Variants in EPSTI1 observed in about 807,000 individuals in gnomAD.
EPSTI1 encodes the protein epithelial-stromal interaction protein 1.
In EPSTI1, 66 loss-of-function variants were observed where a neutral mutation model predicts 49.9. The ratio of observed to expected loss-of-function variants is 1.32; its 90% confidence interval spans 1.08 to 1.62. The LOEUF (loss-of-function observed/expected upper bound fraction) is 1.62, where lower values mean the gene tolerates loss of function less well. Ranked by LOEUF, EPSTI1 falls within the 40% of genes most tolerant of loss-of-function variation. The pLI is 0.00. For synonymous variants in EPSTI1, 137 were observed against 130.7 expected, an observed-to-expected ratio of 1.05 and a Z score of -0.33; for missense variants, 394 against 365.5, an observed-to-expected ratio of 1.08 and a Z score of -0.64.
chr13:42,972,670 T>C (rs999989498), intron 1 of EPSTI1, among the ~76,000 whole-genome samples: 1 of 152,172 alleles, frequency 6.6e-6, no homozygotes, highest in African/African-American at 2.4e-5. Context: ...TGCAACCTAC[T>C]TAACTGGGCA....
At chr13:42,905,924 T>A (rs1036503970) in intron 8 of EPSTI1, among the ~76,000 whole-genome samples, 7 of 152,234 alleles carry the variant, frequency 4.6e-5, no homozygotes, top group African/African-American at 1.7e-4. Context: ...TATGCAAATC[T>A]CTACATTCAT....
chr13:42,987,409 T>C (rs2040104315), intron 1 of EPSTI1, among the ~76,000 whole-genome samples: 1 of 152,060 alleles, frequency 6.6e-6, no homozygotes, highest in Admixed American at 6.5e-5. Context: ...ACGTCACCTC[T>C]AAGGAAAGAT....
intron 1 of EPSTI1, chr13:42,991,206 T>C (rs1480767768): frequency 6.6e-6 from 1 of 152,300 alleles, no homozygotes; most frequent in Non-Finnish European, 1.5e-5. Context: ...TTGAACCTTC[T>C]ACCCCATATC....
intron 3 of EPSTI1, among the ~76,000 whole-genome samples, chr13:42,965,286 A>C (rs1272467776): frequency 1.3e-5 from 2 of 152,162 alleles, no homozygotes; most frequent in Non-Finnish European, 2.9e-5. Context: ...AACTCATCTC[A>C]AAGTTTAATA....
Position 42,944,455 on chromosome 13 carries a change from T to C in EPSTI1, c.563+9493A>G, listed in dbSNP as rs1038334931. Among the ~76,000 whole-genome samples the C allele has an allele frequency of 4.0e-5, 6 of 151,342 alleles. No homozygotes were observed. In the East Asian group the frequency reaches 1.2e-3, roughly 29 times the overall value. On this transcript the variant is annotated intron_variant, in intron 6 of 10. Coordinates refer to ENST00000313624, the MANE Select transcript of EPSTI1 (RefSeq NM_033255.5). ...AACACTGCATGTTCTCATTCATAAG[T>C]GGGAGTTGAACAACGAGAACACATG...
chr13:42,991,658 C>A (rs1333241070), intron 1 of EPSTI1, among the ~76,000 whole-genome samples: 4 of 152,266 alleles, frequency 2.6e-5, no homozygotes, highest in South Asian at 2.1e-4. Context: ...CTGGAGATAC[C>A]TGGAAAATGA....
intron 8 of EPSTI1, among the ~76,000 whole-genome samples, chr13:42,915,487 A>G (rs1175738946): frequency 6.6e-6 from 1 of 152,174 alleles, no homozygotes; most frequent in African/African-American, 2.4e-5. Context: ...AGCCAAGATC[A>G]TGCCACTGCA....
intron 7 of EPSTI1, among the ~76,000 whole-genome samples, chr13:42,923,200 C>A (rs1180896589): frequency 6.6e-6 from 1 of 152,208 alleles, no homozygotes; most frequent in Non-Finnish European, 1.5e-5. Context: ...TGGGGGACCA[C>A]TGAATGATTT....
At chr13:42,930,497 T>C (rs1418059354) in intron 6 of EPSTI1, among the ~76,000 whole-genome samples, 1 of 152,230 alleles carries the variant, frequency 6.6e-6, no homozygotes, top group Admixed American at 6.5e-5. Flanking sequence ...GATAATCTAT[T>C]GGGATACACA....
intron 7 of EPSTI1, among the ~76,000 whole-genome samples, chr13:42,920,372 G>A (rs936423862): frequency 2.6e-5 from 4 of 152,114 alleles, no homozygotes; most frequent in Non-Finnish European, 2.9e-5. Flanking sequence ...ATTCACAGAG[G>A]GAAATCTATG....
At chr13:42,961,428 A>C (rs907684072) in intron 5 of EPSTI1, among the ~76,000 whole-genome samples, 1 of 152,180 alleles carries the variant, frequency 6.6e-6, no homozygotes, top group Non-Finnish European at 1.5e-5. Context: ...AGAAGTATAT[A>C]TACTGTGACA....
intron 6 of EPSTI1, among the ~76,000 whole-genome samples, chr13:42,942,581 A>G (rs970411456): frequency 1.3e-5 from 2 of 149,892 alleles, no homozygotes; most frequent in African/African-American, 2.4e-5. Context: ...AACTTATTGT[A>G]GTTCATATCC....
chr13:42,952,930 G>T (rs2039144303), intron 6 of EPSTI1, among the ~76,000 whole-genome samples: 1 of 152,196 alleles, frequency 6.6e-6, no homozygotes, highest in Admixed American at 6.5e-5. Context: ...GGGGGAATAT[G>T]TTGGAGGCTG....
chr13:42,992,126 C>A lies in EPSTI1; in HGVS notation c.40G>T (p.Ala14Ser). 6.2e-7 allele frequency: 1 copy of A among 1,606,958 alleles called. No homozygotes were observed. Among genetic ancestry groups the A allele is most frequent in the Non-Finnish European group, 8.5e-7 (1 of 1,177,540 alleles). The change falls in exon 1 of 11, where the codon GCC becomes TCC. Residue 14 changes from alanine (A) to serine (S), a missense_variant. By Grantham distance (99) the Ala-to-Ser change is moderately conservative. Coordinates refer to ENST00000313624, the MANE Select transcript of EPSTI1 (RefSeq NM_033255.5). Reference sequence around the variant, plus strand: ...CGGGTCGGGCGGGAGGCAGGGGAGGCGCCGAGCCCGGAGTTCACCACTCTA... The same window carrying A: ...CGGGTCGGGCGGGAGGCAGGGGAGGAGCCGAGCCCGGAGTTCACCACTCTA... The part of the protein sequence containing the change: ...RNRVVNSGLG[A>S]SPASRPTRDP...
chr13:42,960,093 G>A (rs551693778), intron 5 of EPSTI1, among the ~76,000 whole-genome samples: 3 of 152,210 alleles, frequency 2.0e-5, no homozygotes, highest in African/African-American at 4.8e-5. Context: ...TTGTGTTGTG[G>A]GGGGAGGGGG....
intron 5 of EPSTI1, among the ~76,000 whole-genome samples, chr13:42,958,734 G>A (rs2039350243): frequency 6.6e-6 from 1 of 151,972 alleles, no homozygotes; most frequent in South Asian, 2.1e-4. Context: ...GAGAGCATAA[G>A]AACATAAAGC....
chr13:42,938,104 CTTGGT>C (rs2038625504), intron 6 of EPSTI1, among the ~76,000 whole-genome samples: 1 of 151,648 alleles, frequency 6.6e-6, no homozygotes, highest in Non-Finnish European at 1.5e-5. Context: ...CTTCCCAAAC[CTTGGT>C]TCTTGGTTTT....
chr13:42,987,198 C>G (rs80005460), intron 1 of EPSTI1, among the ~76,000 whole-genome samples: 170 of 151,518 alleles, frequency 1.1e-3, no homozygotes, highest in African/African-American at 4.0e-3. Context: ...CAGCTAGTGT[C>G]TGAAGTCTGA....
intron 7 of EPSTI1, among the ~76,000 whole-genome samples, chr13:42,920,478 C>G (rs2037961396): frequency 1.3e-5 from 2 of 152,080 alleles, no homozygotes; most frequent in Non-Finnish European, 2.9e-5. Flanking sequence ...CTATGGGGAG[C>G]CAGTTCTCTC....
Sources: gnomAD v4.1 joint callset for allele counts (sites outside exome capture counted in the v4.1 genomes callset) on GRCh38, gnomAD v4.1.1 for gene constraint, MANE v1.5 for transcripts, NCBI Gene and HGNC (gene_info 2026-07-23, HGNC 2026-07-21) for gene names.